Variants in ATP1B2 observed in about 807,000 individuals in gnomAD.
ATP1B2 encodes the protein sodium/potassium-transporting ATPase subunit beta-2.
A neutral mutation model predicts 37.3 loss-of-function variants in ATP1B2; 12 were observed. That is an observed-to-expected ratio of 0.32 (90% CI 0.21 to 0.52). The LOEUF (loss-of-function observed/expected upper bound fraction) is 0.52. Ranked by LOEUF, ATP1B2 falls within the 20% of genes least tolerant of loss-of-function variation. The probability of loss-of-function intolerance (pLI) is 0.96; values close to 1 mark genes in which losing one functional copy is unlikely to be tolerated. For synonymous variants in ATP1B2, 139 were observed against 140.5 expected, an observed-to-expected ratio of 0.99 and a Z score of 0.07; for missense variants, 324 against 391.6, an observed-to-expected ratio of 0.83 and a Z score of 1.46.
upstream of ATP1B2, among the ~76,000 whole-genome samples, chr17:7,646,956 G>A (rs2072579112): frequency 6.6e-6 from 1 of 151,992 alleles, no homozygotes; most frequent in Non-Finnish European, 1.5e-5. Flanking sequence ...TTAGCCAGGT[G>A]GACTAGTAGA....
Position 7,656,476 on chromosome 17 carries a change from C to G in ATP1B2, c.*581C>G, listed in dbSNP as rs1254830836. 6.4e-6 allele frequency: 1 copy of G among 155,886 alleles called. No homozygotes were observed. Among genetic ancestry groups the G allele is most frequent in the Non-Finnish European group, 1.4e-5 (1 of 70,260 alleles). The allele number at this position is 155,886 out of a possible 1,614,324, so 9.7% of individuals were successfully genotyped here. A position where few individuals can be genotyped will look rare whatever the true frequency, so the allele number is the denominator to read the frequency against. ...CTCCTCCTCTCCATCCCTATTCCCT[C>G]CTCTGAAATGCACCCCTTTGTAATT... On this transcript the variant is annotated 3_prime_UTR_variant, in exon 7 of 7. Transcript: ENST00000250111.
chr17:7,651,132 G>C lies in ATP1B2; in HGVS notation c.-387G>C. On this transcript the variant is annotated 5_prime_UTR_variant, in exon 1 of 7. Coordinates refer to ENST00000250111, the MANE Select transcript of ATP1B2 (RefSeq NM_001678.5). ...CTCCCCCACCTCTCTCTGCCTTTTTGTACCCCGCTTTTTTTCTGCGTTCTG... is the reference window on the plus strand; with the variant it reads ...CTCCCCCACCTCTCTCTGCCTTTTTCTACCCCGCTTTTTTTCTGCGTTCTG... 4.5e-6 allele frequency: 1 copy of C among 222,074 alleles called. No individual in the cohort carries two copies. The highest frequency in any genetic ancestry group is 9.1e-6 in the Non-Finnish European group (1 of 110,202). 13.8% of individuals were successfully genotyped at this position (222,074 alleles called of 1,614,324 possible). A position where few individuals can be genotyped will look rare whatever the true frequency, so the allele number is the denominator to read the frequency against.
chr17:7,649,373 C>G (rs1004654354), upstream of ATP1B2, among the ~76,000 whole-genome samples: 1 of 151,694 alleles, frequency 6.6e-6, no homozygotes, highest in Admixed American at 6.6e-5. Flanking sequence ...TGGGCCTGGC[C>G]GAGATAATGA....
chr17:7,647,679 C>T (rs1416392675), upstream of ATP1B2, among the ~76,000 whole-genome samples: 4 of 151,938 alleles, frequency 2.6e-5, 1 homozygote, highest in Admixed American at 1.3e-4. Flanking sequence ...ATTAGCCAGG[C>T]GTGGTTGTGC....
upstream of ATP1B2, among the ~76,000 whole-genome samples, chr17:7,649,939 G>A (rs1375746144): frequency 6.6e-6 from 1 of 151,820 alleles, no homozygotes; most frequent in Non-Finnish European, 1.5e-5. Context: ...TGATCTGCCC[G>A]CCTCGGCCTC....
chr17:7,647,615 T>C (rs1347654055), upstream of ATP1B2, among the ~76,000 whole-genome samples: 1 of 151,836 alleles, frequency 6.6e-6, no homozygotes, highest in Non-Finnish European at 1.5e-5. Flanking sequence ...GGTCAGGAGT[T>C]CCAGACCAGA....
At position 7,651,382 on chromosome 17, in the gene ATP1B2, A is replaced by G. The variant is rs1214338156; in HGVS notation, c.-137A>G. 1.8e-5 allele frequency: 13 copies of G among 726,418 alleles called. No homozygotes were observed. The highest frequency in any genetic ancestry group is 3.8e-4 in the Middle Eastern group (1 of 2,628). 45.0% of individuals were successfully genotyped at this position (726,418 alleles called of 1,614,324 possible). On this transcript the variant is annotated 5_prime_UTR_variant, in exon 1 of 7. Coordinates refer to ENST00000250111, the MANE Select transcript of ATP1B2 (RefSeq NM_001678.5). ...GCACCCCGGAATCTGCAGCAGCTGCATATCTGAGGGGGGTCTCCTTTGCCC... is the reference window on the plus strand; with the variant it reads ...GCACCCCGGAATCTGCAGCAGCTGCGTATCTGAGGGGGGTCTCCTTTGCCC...
At chr17:7,648,356 T>C (rs1213265982), upstream of ATP1B2, among the ~76,000 whole-genome samples, 1 of 151,758 alleles carries the variant, frequency 6.6e-6, no homozygotes, top group African/African-American at 2.4e-5. Flanking sequence ...GGTAGGTGGA[T>C]CATTTGAGGT....
chr17:7,646,636 A>T (rs1190493463), upstream of ATP1B2: 1 of 152,270 alleles, frequency 6.6e-6, no homozygotes, highest in Non-Finnish European at 1.5e-5. Flanking sequence ...CAGATGCAAC[A>T]TGGACACAGA....
At position 7,654,193 on chromosome 17, in the gene ATP1B2, T is replaced by A; in HGVS notation, c.488T>A (p.Ile163Asn). 6.2e-7 allele frequency: 1 copy of A among 1,614,156 alleles called. No homozygotes were observed. Among genetic ancestry groups the A allele is most frequent in the Non-Finnish European group, 8.5e-7 (1 of 1,180,022 alleles). Reference protein sequence around the residue: ...NRTQLGNCSGIGDSTHYGYST... With the variant: ...NRTQLGNCSGNGDSTHYGYST... ...ACCCAGCTGGGCAACTGCTCCGGCA[T>A]TGGGGACTCCACCCACTATGGTTAC... Residue 163 changes from isoleucine to asparagine, a missense_variant, in exon 4 of 7, where the codon ATT becomes AAT. Physicochemically the swap from Ile to Asn is moderately radical, Grantham distance 149. Coordinates refer to ENST00000250111, the MANE Select transcript of ATP1B2 (RefSeq NM_001678.5). This position sits in a 1 kb window ranked among gnomAD's most constrained non-coding sequence, Gnocchi z 4.9.
At chr17:7,652,704 C>G (rs1038241988) in intron 1 of ATP1B2, among the ~76,000 whole-genome samples, 3 of 152,072 alleles carry the variant, frequency 2.0e-5, no homozygotes, top group Non-Finnish European at 4.4e-5. Context: ...TTACTTCAGG[C>G]GGGGGAGCCA....
In ATP1B2 at chr17:7,655,124, G is replaced by A. The variant is rs529819267; in HGVS notation, c.610-403G>A. Reference sequence around the variant, plus strand: ...CGTTGTCCTTGGGACCCTGTTCCCCGCTTCCCCCCCGGTCTGTCCTTTCTA... The same window carrying A: ...CGTTGTCCTTGGGACCCTGTTCCCCACTTCCCCCCCGGTCTGTCCTTTCTA... On this transcript the variant is annotated intron_variant, in intron 5 of 6. Coordinates refer to ENST00000250111, the MANE Select transcript of ATP1B2 (RefSeq NM_001678.5). The surrounding 1 kb of genome is among the most constrained non-coding windows in gnomAD (Gnocchi z 4.4). 4 of 308,882 alleles carry A rather than the reference G, an allele frequency of 1.3e-5. No individual in the cohort carries two copies. Among genetic ancestry groups the A allele is most frequent in the Middle Eastern group, 1.0e-3 (1 of 992 alleles). The allele number at this position is 308,882 out of a possible 1,614,324, so 19.1% of individuals were successfully genotyped here.
upstream of ATP1B2, among the ~76,000 whole-genome samples, chr17:7,647,345 G>GTCCT (rs1031171741): frequency 3.3e-5 from 5 of 152,132 alleles, no homozygotes; most frequent in Non-Finnish European, 1.5e-5. Context: ...TTTCCTTTCA[G>GTCCT]TCCTTCCTTC....
In ATP1B2 at chr17:7,656,004, A is replaced by G; in HGVS notation, c.*109A>G. 1.3e-5 allele frequency: 19 copies of G among 1,415,416 alleles called. No homozygotes were observed. Among genetic ancestry groups the G allele is most frequent in the South Asian group, 2.6e-5 (2 of 76,080 alleles). The allele number at this position is 1,415,416 out of a possible 1,614,324, so 87.7% of individuals were successfully genotyped here. A position where few individuals can be genotyped will look rare whatever the true frequency, so the allele number is the denominator to read the frequency against. On this transcript the variant is annotated 3_prime_UTR_variant, in exon 7 of 7. Transcript: ENST00000250111. ...CAAAGGTATTTTTGATAACAGAGCT[A>G]TGACTTGTCTGAGCCTCACATCCTT...
rs1429756350 is a variant in ATP1B2, at chr17:7,655,669, T to C, written c.708+44T>C. ...CCAGGCTGATGGCGGGTGCGGGTGG[T>C]GAGCTAGGGAAGGAGGCCGCGTTGC... On this transcript the variant is annotated intron_variant, in intron 6 of 6. Coordinates refer to ENST00000250111, the MANE Select transcript of ATP1B2 (RefSeq NM_001678.5). This position sits in a 1 kb window ranked among gnomAD's most constrained non-coding sequence, Gnocchi z 4.4. 1.2e-6 allele frequency: 2 copies of C among 1,613,752 alleles called. No individual in the cohort carries two copies. The highest frequency in any genetic ancestry group is 2.7e-5 in the African/African-American group (2 of 74,890).
Position 7,657,448 on chromosome 17 carries a change from T to G in ATP1B2, c.*1553T>G, listed in dbSNP as rs1169593422. On this transcript the variant is annotated 3_prime_UTR_variant, in exon 7 of 7. Transcript: ENST00000250111. ...ACAGAATGTCAAATGAGGGGCCTCC[T>G]GCCTCCTGCTCTGAATATTCTGTAG... The G allele has an allele frequency of 2.0e-5, 3 of 152,292 alleles. No homozygotes were observed. Among genetic ancestry groups the G allele is most frequent in the Admixed American group, 1.3e-4 (2 of 15,274 alleles). 9.4% of individuals were successfully genotyped at this position (152,292 alleles called of 1,614,324 possible). A position where few individuals can be genotyped will look rare whatever the true frequency, so the allele number is the denominator to read the frequency against.
In ATP1B2 at chr17:7,654,150, G is replaced by T; in HGVS notation, c.445G>T (p.Ala149Ser). The part of the protein sequence containing the change: ...DNGVLNYPKR[A>S]CQFNRTQLGN... ...TGGAGTCCTCAACTACCCCAAACGT[G>T]CCTGCCAATTCAACCGGACCCAGCT... Residue 149 changes from alanine (A) to serine (S), a missense_variant, in exon 4 of 7, where the codon GCC becomes TCC. Physicochemically the swap from Ala to Ser is moderately conservative, Grantham distance 99. Coordinates refer to ENST00000250111, the MANE Select transcript of ATP1B2 (RefSeq NM_001678.5). This position sits in a 1 kb window ranked among gnomAD's most constrained non-coding sequence, Gnocchi z 4.9. 6 of 1,614,154 alleles carry T rather than the reference G, an allele frequency of 3.7e-6. No individual in the cohort carries two copies. In the South Asian group the frequency reaches 6.6e-5, roughly 18 times the overall value.
Position 7,655,917 on chromosome 17 carries a change from C to G in ATP1B2, c.*22C>G. The stretch of plus-strand genomic sequence containing the variant: ...CTGAGGCCCCTTCCTCCCACCCCAT[C>G]TCTCTCCTGTGGATGCTCCTGGAAT... On this transcript the variant is annotated 3_prime_UTR_variant, in exon 7 of 7. Transcript: ENST00000250111. This position sits in a 1 kb window ranked among gnomAD's most constrained non-coding sequence, Gnocchi z 4.4. 1 of 1,612,952 alleles carries G rather than the reference C, an allele frequency of 6.2e-7. No individual in the cohort carries two copies. Among genetic ancestry groups the G allele is most frequent in the Non-Finnish European group, 8.5e-7 (1 of 1,179,452 alleles).
At chr17:7,649,400 T>C (rs1377244716), upstream of ATP1B2, among the ~76,000 whole-genome samples, 1 of 151,620 alleles carries the variant, frequency 6.6e-6, no homozygotes, top group Non-Finnish European at 1.5e-5. Context: ...TTTTCTCTCT[T>C]TTTTTGAGAC....
Sources: gnomAD v4.1 joint callset for allele counts (sites outside exome capture counted in the v4.1 genomes callset) on GRCh38, gnomAD v4.1.1 for gene constraint, Gnocchi (gnomAD v3.1) non-coding constraint, MANE v1.5 for transcripts, NCBI Gene and HGNC (gene_info 2026-07-23, HGNC 2026-07-21) for gene names.